GLG1: variants seen among roughly 807,000 people sequenced by gnomAD.
GLG1 encodes golgi glycoprotein 1.
GLG1 carries 38 observed loss-of-function variants against 160.5 expected under a neutral mutation model. That is an observed-to-expected ratio of 0.24 (90% CI 0.18 to 0.31). The LOEUF is 0.31. GLG1 is among the 10% of genes least tolerant of loss of function. The pLI is 1.00. For synonymous variants in GLG1, 644 were observed against 543.4 expected (o/e 1.19, Z -2.57); for missense variants, 1,373 against 1,505.2 (o/e 0.91, Z 1.45).
chr16:74,538,731 T>A (rs1481381661), intron 1 of GLG1, among the ~76,000 whole-genome samples: 1 of 15,938 alleles, frequency 6.3e-5, no homozygotes, highest in Non-Finnish European at 1.2e-4. Flanking sequence ...TTTTGAGATT[T>A]TTTTTTTTTT....
rs546378448 is a variant in GLG1, at chr16:74,569,939, T to C, written c.438+36718A>G. On this transcript the variant is annotated intron_variant, in intron 1 of 25. Transcript: ENST00000422840. ...GGCTCACACCTGTAATTCCAGCATT[T>C]TGGGAGGCTGAGGCCAGTGGATCGC... Among the ~76,000 whole-genome samples, 150 of 151,518 alleles carry C rather than the reference T, an allele frequency of 9.9e-4. 1 individual carries two copies. Among genetic ancestry groups the C allele is most frequent in the African/African-American group, 3.6e-3 (148 of 41,332 alleles).
At chr16:74,553,183 G>A (rs192727312) in intron 1 of GLG1, among the ~76,000 whole-genome samples, 200 of 150,372 alleles carry the variant, frequency 1.3e-3, no homozygotes, top group African/African-American at 4.6e-3. Flanking sequence ...TCACGCCACT[G>A]CACTCCAACC....
rs1399529297 is a variant in GLG1 at position 74,469,021 on chromosome 16, G to A, written c.2361C>T (p.Asp787=). The change falls in exon 17 of 26, where the codon GAC becomes GAT. Residue 787 remains aspartate (D), a synonymous_variant. Coordinates refer to ENST00000422840, the MANE Select transcript of GLG1 (RefSeq NM_001145667.2). ...TGTGCTCCTTGGCTTCCTGCAGAGTGTCATTGCGCACGGTCGTGCTCAGGC... is the reference window on the plus strand; with the variant it reads ...TGTGCTCCTTGGCTTCCTGCAGAGTATCATTGCGCACGGTCGTGCTCAGGC... ...VICLSTTVRN[D]TLQEAKEHRV... 3.7e-6 allele frequency: 6 copies of A among 1,614,032 alleles called. No individual in the cohort carries two copies. The highest frequency in any genetic ancestry group is 4.2e-6 in the Non-Finnish European group (5 of 1,179,954).
At chr16:74,504,401 C>T (rs1039339491) in intron 3 of GLG1, among the ~76,000 whole-genome samples, 4 of 152,160 alleles carry the variant, frequency 2.6e-5, no homozygotes, top group African/African-American at 7.2e-5. Flanking sequence ...GATTCTCCTG[C>T]CTCAGCTTCC....
intron 10 of GLG1, among the ~76,000 whole-genome samples, chr16:74,482,734 A>C (rs574253455): frequency 6.6e-6 from 1 of 152,352 alleles, no homozygotes; most frequent in East Asian, 1.9e-4. Context: ...CACAGGTGCC[A>C]TACTTCTTAC....
In GLG1 at chr16:74,503,660, C is replaced by A; in HGVS notation, c.645G>T (p.Gln215His). ...TCATCTTGGTAATGTACTGGTGACACTGATACTCAGTGATGTTGCCTCGGT... is the reference window on the plus strand; with the variant it reads ...TCATCTTGGTAATGTACTGGTGACAATGATACTCAGTGATGTTGCCTCGGT... ...VDHRGNITEYQCHQYITKMTA... is the reference protein window; with the variant it reads ...VDHRGNITEYHCHQYITKMTA... The change falls in exon 4 of 26, where the codon CAG becomes CAT. Residue 215 changes from glutamine (Q) to histidine (H), a missense_variant. Around this residue, in one of 4 missense-constraint regions of GLG1, gnomAD observed 174 missense variants for 229.9 expected, o/e 0.76. Coordinates refer to ENST00000422840, the MANE Select transcript of GLG1 (RefSeq NM_001145667.2). 3 of 1,612,542 alleles carry A rather than the reference C, an allele frequency of 1.9e-6. No individual in the cohort carries two copies. The highest frequency in any genetic ancestry group is 2.5e-6 in the Non-Finnish European group (3 of 1,178,556).
rs536807450 is a variant in GLG1, at chr16:74,579,816, G to C, written c.438+26841C>G. On this transcript the variant is annotated intron_variant, in intron 1 of 25. Transcript: ENST00000422840. ...ACAGTGGCTCACGCCTGTAATCCCA[G>C]CACTTTGGGAGGCGAAGGCAGGTGG... is the stretch of plus-strand genomic sequence containing the variant. Among the ~76,000 whole-genome samples the C allele has an allele frequency of 4.6e-5, 7 of 152,250 alleles. No homozygotes were observed. In the East Asian group the frequency reaches 1.4e-3, roughly 29 times the overall value.
At chr16:74,517,993 T>A (rs1324392293) in intron 2 of GLG1, among the ~76,000 whole-genome samples, 6 of 152,116 alleles carry the variant, frequency 3.9e-5, no homozygotes, top group Admixed American at 3.9e-4. Flanking sequence ...CAACTCACAA[T>A]GGCTGTGAAG....
chr16:74,569,915 G>T (rs1341735364), intron 1 of GLG1, among the ~76,000 whole-genome samples: 1 of 150,808 alleles, frequency 6.6e-6, no homozygotes, highest in Non-Finnish European at 1.5e-5. Context: ...GGGCGCAATG[G>T]CTCACACCTG....
intron 1 of GLG1, chr16:74,552,417 A>C (rs1597339877): frequency 3.5e-6 from 2 of 565,806 alleles, no homozygotes; most frequent in East Asian, 8.6e-5. Flanking sequence ...CTCAAGTCTT[A>C]AGGCTACATG....
At chr16:74,576,130 A>T (rs1252048906) in intron 1 of GLG1, among the ~76,000 whole-genome samples, 1 of 152,022 alleles carries the variant, frequency 6.6e-6, no homozygotes. Flanking sequence ...CCGGGAGGTG[A>T]AGGCGGCGGT....
At chr16:74,598,992 C>A (rs992391425) in intron 1 of GLG1, among the ~76,000 whole-genome samples, 6 of 151,930 alleles carry the variant, frequency 3.9e-5, no homozygotes, top group African/African-American at 1.5e-4. Context: ...GAGAAATGCA[C>A]AAAAGAGAAA....
intron 1 of GLG1, among the ~76,000 whole-genome samples, chr16:74,571,790 G>C (rs761657494): frequency 6.6e-6 from 1 of 151,962 alleles, no homozygotes; most frequent in Non-Finnish European, 1.5e-5. Context: ...CTGAAGCCTG[G>C]GTGACAGAGA....
At chr16:74,475,500 G>A (rs1170423770) in intron 12 of GLG1, among the ~76,000 whole-genome samples, 1 of 152,190 alleles carries the variant, frequency 6.6e-6, no homozygotes, top group Non-Finnish European at 1.5e-5. Context: ...AGGGTCCTCT[G>A]AAGAAAAACA....
At chr16:74,552,070 T>C (rs895771679) in intron 1 of GLG1, among the ~76,000 whole-genome samples, 3 of 151,458 alleles carry the variant, frequency 2.0e-5, no homozygotes, top group Admixed American at 6.6e-5. Flanking sequence ...ATGTGGAAAA[T>C]AGGTTATATA....
chr16:74,490,683 T>C lies in GLG1; in HGVS notation c.1449+318A>G, dbSNP rs75973501. Among the ~76,000 whole-genome samples the C allele has an allele frequency of 1.6e-3, 244 of 152,356 alleles. 8 individuals carry two copies. In the East Asian group the frequency reaches 0.042, roughly 26 times the overall value. ...CTGTCGTCATTGATTGGAACCTGGT[T>C]TGCCTTGATTCTGAGTTTAGGAAAT... On this transcript the variant is annotated intron_variant, in intron 8 of 25. Coordinates refer to ENST00000422840, the MANE Select transcript of GLG1 (RefSeq NM_001145667.2).
chr16:74,533,473 C>G (rs1046037673), intron 1 of GLG1, among the ~76,000 whole-genome samples: 4 of 152,160 alleles, frequency 2.6e-5, no homozygotes, highest in African/African-American at 9.7e-5. Flanking sequence ...TGCAATAAAA[C>G]ACACCATAAG....
chr16:74,579,326 G>A (rs1957883509), intron 1 of GLG1, among the ~76,000 whole-genome samples: 1 of 150,014 alleles, frequency 6.7e-6, no homozygotes, highest in Admixed American at 6.7e-5. Context: ...GAGACAGGAG[G>A]ATCACCTGAG....
intron 22 of GLG1, among the ~76,000 whole-genome samples, chr16:74,460,085 G>T (rs1460870391): frequency 6.6e-6 from 1 of 150,648 alleles, no homozygotes; most frequent in South Asian, 2.1e-4. Flanking sequence ...ACAATGGCAC[G>T]ATCTCGGCTC....
Sources: gnomAD v4.1 joint callset for allele counts (sites outside exome capture counted in the v4.1 genomes callset) on GRCh38, gnomAD v4.1.1 for gene constraint, gnomAD v4.1.1 regional missense constraint, MANE v1.5 for transcripts, NCBI Gene and HGNC (gene_info 2026-07-23, HGNC 2026-07-21) for gene names.